EML5: variants seen among roughly 807,000 people sequenced by gnomAD.
EML5 encodes echinoderm microtubule-associated protein-like 5.
EML5 carries 120 observed loss-of-function variants against 250.0 expected under a neutral mutation model. That is an observed-to-expected ratio of 0.48 (90% CI 0.41 to 0.56). The LOEUF (loss-of-function observed/expected upper bound fraction) is 0.56. EML5 is among the 20% of genes least tolerant of loss of function. The pLI, the probability that EML5 is intolerant of heterozygous loss-of-function variation, is 0.00. For missense variants in EML5, 2,006 were observed against 2,437.6 expected, an observed-to-expected ratio of 0.82 and a Z score of 3.73; for synonymous variants, 771 against 806.5, an observed-to-expected ratio of 0.96 and a Z score of 0.75.
chr14:88,678,951 C>T (rs1284138405), intron 21 of EML5, among the ~76,000 whole-genome samples: 1 of 151,924 alleles, frequency 6.6e-6, no homozygotes, highest in Non-Finnish European at 1.5e-5. Flanking sequence ...AGCTATGCTC[C>T]GTTGTGAAAG....
At chr14:88,752,219 A>C (rs2094106840) in intron 2 of EML5, among the ~76,000 whole-genome samples, 1 of 152,218 alleles carries the variant, frequency 6.6e-6, no homozygotes, top group African/African-American at 2.4e-5. Flanking sequence ...GAAATTCCTC[A>C]GCAATGCAAT....
chr14:88,710,964 C>T (rs2093395762), intron 10 of EML5, among the ~76,000 whole-genome samples: 1 of 152,148 alleles, frequency 6.6e-6, no homozygotes, highest in African/African-American at 2.4e-5. Flanking sequence ...ATCCTATTCA[C>T]TTGACTAAGA....
chr14:88,695,089 T>C (rs918591897), intron 16 of EML5, among the ~76,000 whole-genome samples: 1 of 152,120 alleles, frequency 6.6e-6, no homozygotes, highest in Non-Finnish European at 1.5e-5. Context: ...TATCATACAG[T>C]AGAACACATT....
At chr14:88,733,635 A>C (rs561612235) in intron 7 of EML5, among the ~76,000 whole-genome samples, 1 of 152,286 alleles carries the variant, frequency 6.6e-6, no homozygotes, top group African/African-American at 2.4e-5. Context: ...TGTAGCCCCC[A>C]CAGTAAGTTT....
At chr14:88,708,400 T>C (rs1432066224) in intron 10 of EML5, among the ~76,000 whole-genome samples, 1 of 152,152 alleles carries the variant, frequency 6.6e-6, no homozygotes, top group Non-Finnish European at 1.5e-5. Flanking sequence ...CCAATAAAAC[T>C]ATAAGCTCTT....
intron 35 of EML5, chr14:88,625,359 C>T: frequency 2.2e-6 from 1 of 462,050 alleles, no homozygotes; most frequent in Non-Finnish European, 3.8e-6. Context: ...TAACCTTAGA[C>T]AATTCTTCCC....
chr14:88,733,259 C>T (rs2093788626), intron 7 of EML5, among the ~76,000 whole-genome samples: 1 of 152,198 alleles, frequency 6.6e-6, no homozygotes, highest in African/African-American at 2.4e-5. Context: ...TGCTCCAAGA[C>T]AAAGCCATAA....
At position 88,759,065 on chromosome 14, in the gene EML5, TTAGA is replaced by T. The variant is rs546104946; in HGVS notation, c.198-4398_198-4395del. Among the ~76,000 whole-genome samples the T allele has an allele frequency of 1.9e-3, 291 of 152,266 alleles. 3 individuals carry two copies. Among genetic ancestry groups the T allele is most frequent in the African/African-American group, 6.5e-3 (269 of 41,562 alleles). On this transcript the variant is annotated intron_variant, in intron 1 of 43. Coordinates refer to ENST00000554922, the MANE Select transcript of EML5 (RefSeq NM_183387.3). ...TTTAGGGGTGATAAATATTCTGAAA[TTAGA>T]TAGAAGTGATGGTTGAAAAACTTTG... is the stretch of plus-strand genomic sequence containing the variant.
intron 1 of EML5, among the ~76,000 whole-genome samples, chr14:88,788,556 C>G (rs2094573732): frequency 6.6e-6 from 1 of 151,754 alleles, no homozygotes; most frequent in Non-Finnish European, 1.5e-5. Context: ...AAAAAGTACT[C>G]TAAATTCTAT....
chr14:88,627,616 T>C (rs773428118), intron 34 of EML5, 30 bp downstream of exon 34: 1 of 1,566,620 alleles, frequency 6.4e-7, no homozygotes, highest in Non-Finnish European at 8.6e-7. Context: ...TCTTGTTTTT[T>C]TAAAAATCAA....
chr14:88,625,185 A>G, intron 35 of EML5, 58 bp from the exon 36 acceptor site: 2 of 1,580,572 alleles, frequency 1.3e-6, no homozygotes, highest in East Asian at 2.2e-5. Context: ...TAGAGTTTAA[A>G]TAGATAATTT....
intron 13 of EML5, among the ~76,000 whole-genome samples, chr14:88,702,949 T>A (rs2093244491): frequency 6.6e-6 from 1 of 152,010 alleles, no homozygotes; most frequent in South Asian, 2.1e-4. Context: ...GAGATGGGGT[T>A]TTGCCATGTT....
intron 9 of EML5, 47 bp downstream of exon 9, chr14:88,714,892 A>G: frequency 6.5e-7 from 1 of 1,545,236 alleles, no homozygotes; most frequent in East Asian, 2.3e-5. Flanking sequence ...AAAACTCTAA[A>G]ATATTGTATA....
Position 88,634,461 on chromosome 14 carries a change from T to C in EML5, c.4357+8A>G. 6.8e-7 allele frequency: 1 copy of C among 1,463,138 alleles called. No homozygotes were observed. The highest frequency in any genetic ancestry group is 9.1e-7 in the Non-Finnish European group (1 of 1,093,000). The allele number at this position is 1,463,138 out of a possible 1,614,324, so 90.6% of individuals were successfully genotyped here. ...TAAATAAAGCAGAAAATGTTTAGTT[T>C]TCCTTACCTGACATGTCTGCTGAAT... On this transcript the variant is annotated splice_region_variant and intron_variant, in intron 33 of 43. Transcript: ENST00000554922.
intron 25 of EML5, among the ~76,000 whole-genome samples, chr14:88,659,213 T>G (rs1333440896): frequency 6.6e-6 from 1 of 151,918 alleles, no homozygotes; most frequent in Non-Finnish European, 1.5e-5. Context: ...ATAGCAAAAT[T>G]TGTGAATTCC....
At chr14:88,628,016 A>G in intron 33 of EML5, 197 bp from the exon 34 acceptor site, 1 of 650,838 alleles carries the variant, frequency 1.5e-6, no homozygotes, top group South Asian at 1.6e-5. Flanking sequence ...AAAGAAAAGG[A>G]AAATATATAG....
intron 21 of EML5, among the ~76,000 whole-genome samples, chr14:88,671,513 C>T (rs1210776552): frequency 6.6e-6 from 1 of 152,174 alleles, no homozygotes; most frequent in African/African-American, 2.4e-5. Flanking sequence ...ACATAACCAG[C>T]TAGCATCACG....
intron 16 of EML5, 56 bp from the exon 17 acceptor site, chr14:88,694,463 C>A (rs1473528258): frequency 8.9e-6 from 11 of 1,235,502 alleles, no homozygotes; most frequent in Admixed American, 2.3e-5. Flanking sequence ...CTGTATTAAT[C>A]TCTTGCCTAA....
chr14:88,784,599 A>C (rs2094531895), intron 1 of EML5, among the ~76,000 whole-genome samples: 1 of 152,164 alleles, frequency 6.6e-6, no homozygotes, highest in African/African-American at 2.4e-5. Flanking sequence ...AGAAATCCAA[A>C]ACATGAACAG....
Sources: allele counts gnomAD v4.1 joint callset (sites outside exome capture counted in the v4.1 genomes callset), GRCh38; gene constraint gnomAD v4.1.1; transcripts MANE v1.5; gene names NCBI Gene and HGNC (gene_info 2026-07-23, HGNC 2026-07-21).